GOSR1: variants seen among roughly 807,000 people sequenced by gnomAD.
GOSR1 encodes golgi SNAP receptor complex member 1, also known as 28 kDa Golgi SNARE protein.
A neutral mutation model predicts 35.5 loss-of-function variants in GOSR1; 21 were observed. The ratio of observed to expected loss-of-function variants is 0.59; its 90% CI spans 0.42 to 0.85. The LOEUF (loss-of-function observed/expected upper bound fraction) is 0.85, where lower values mean the gene tolerates loss of function less well. GOSR1 is among the 40% of genes least tolerant of loss of function. The pLI is 0.00. For missense variants in GOSR1, 285 were observed against 309.6 expected (o/e 0.92, Z 0.60); for synonymous variants, 94 against 106.6 (o/e 0.88, Z 0.73).
chr17:30,519,367 C>T (rs1006433519), intron 7 of GOSR1, among the ~76,000 whole-genome samples: 1 of 152,178 alleles, frequency 6.6e-6, no homozygotes, highest in Non-Finnish European at 1.5e-5. Context: ...GTTTTAGCCA[C>T]GTTTAATGAG....
At chr17:30,489,199 C>T (rs1441847189) in intron 4 of GOSR1, among the ~76,000 whole-genome samples, 1 of 152,054 alleles carries the variant, frequency 6.6e-6, no homozygotes, top group African/African-American at 2.4e-5. Flanking sequence ...GCCTGGCCAA[C>T]ATGGTGAAAC....
intron 6 of GOSR1, among the ~76,000 whole-genome samples, chr17:30,496,946 G>T (rs1967028066): frequency 6.6e-6 from 1 of 152,318 alleles, no homozygotes; most frequent in East Asian, 1.9e-4. Context: ...ATTGCAGATT[G>T]TGCACATTAA....
intron 1 of GOSR1, chr17:30,480,886 A>G (rs148748216): frequency 1.0e-4 from 27 of 267,410 alleles, no homozygotes; most frequent in East Asian, 1.6e-4. Flanking sequence ...CTAATTTTCT[A>G]TTTTTAGTAG....
chr17:30,479,500 A>C, intron 1 of GOSR1: 1 of 152,180 alleles, frequency 6.6e-6, no homozygotes, highest in East Asian at 1.9e-4. Context: ...ACTTTCAGTA[A>C]GTTTTTTTCT....
At chr17:30,518,271 C>G (rs980055570) in intron 7 of GOSR1, among the ~76,000 whole-genome samples, 2 of 152,056 alleles carry the variant, frequency 1.3e-5, no homozygotes, top group African/African-American at 4.8e-5. Context: ...AGCCCTCTAC[C>G]TGGCTTTCTT....
At chr17:30,513,678 T>C (rs1967696132) in intron 7 of GOSR1, among the ~76,000 whole-genome samples, 1 of 152,172 alleles carries the variant, frequency 6.6e-6, no homozygotes, top group Non-Finnish European at 1.5e-5. Context: ...AGGCCCAGCA[T>C]GGTGGCTCAC....
intron 6 of GOSR1, among the ~76,000 whole-genome samples, chr17:30,498,941 A>C (rs1967100029): frequency 6.6e-6 from 1 of 152,158 alleles, no homozygotes; most frequent in African/African-American, 2.4e-5. Context: ...GACTCTTTTA[A>C]CCGCCACCAC....
chr17:30,496,814 C>T (rs2143740719), intron 6 of GOSR1, among the ~76,000 whole-genome samples: 1 of 152,294 alleles, frequency 6.6e-6, no homozygotes, highest in South Asian at 2.1e-4. Context: ...GGCATGAATT[C>T]TGAAATTGTA....
chr17:30,486,158 A>G (rs1447866765), intron 4 of GOSR1, among the ~76,000 whole-genome samples: 2 of 152,200 alleles, frequency 1.3e-5, no homozygotes, highest in African/African-American at 2.4e-5. Flanking sequence ...AAGGATACCC[A>G]TGATCGCTAC....
intron 1 of GOSR1, chr17:30,477,692 C>T (rs1393255682): frequency 1.0e-5 from 10 of 984,982 alleles, no homozygotes; most frequent in Non-Finnish European, 1.2e-5. Context: ...AGGGGTTGGG[C>T]AGAGTGGACA....
Position 30,525,632 on chromosome 17 carries a change from A to C in GOSR1, c.*3254A>C, listed in dbSNP as rs1328351334. ...TAAATAAAGTTATTTATTTAATTAT[A>C]CTACCAGTCTTTTTTACTGGTCTGA... On this transcript the variant is annotated 3_prime_UTR_variant, in exon 9 of 9. Coordinates refer to ENST00000451249, the MANE Select transcript of GOSR1 (RefSeq NM_001007025.2). The C allele has an allele frequency of 6.6e-6, 1 of 152,192 alleles. No homozygotes were observed. Among genetic ancestry groups the C allele is most frequent in the Admixed American group, 6.6e-5 (1 of 15,266 alleles). The allele number at this position is 152,192 out of a possible 1,614,324, so 9.4% of individuals were successfully genotyped here. A position where few individuals can be genotyped will look rare whatever the true frequency, so the allele number is the denominator to read the frequency against.
intron 6 of GOSR1, among the ~76,000 whole-genome samples, chr17:30,499,374 T>C (rs1177600722): frequency 6.9e-6 from 1 of 144,022 alleles, no homozygotes; most frequent in Non-Finnish European, 1.5e-5. Flanking sequence ...CGGAGTCTCA[T>C]TCTGTTACCC....
At chr17:30,492,492 C>A (rs1340422946) in intron 5 of GOSR1, among the ~76,000 whole-genome samples, 187 bp from the exon 6 acceptor site, 1 of 152,162 alleles carries the variant, frequency 6.6e-6, no homozygotes, top group East Asian at 1.9e-4. Flanking sequence ...GATGCAGAGG[C>A]ATTAATATTT....
At chr17:30,477,502 G>T (rs767634590) in intron 1 of GOSR1, 38 bp downstream of exon 1, 10 of 1,601,324 alleles carry the variant, frequency 6.2e-6, no homozygotes, top group Admixed American at 5.1e-5. Context: ...TCCTACGAGG[G>T]TGAGAGGGGC....
intron 4 of GOSR1, among the ~76,000 whole-genome samples, chr17:30,486,519 CAAAAAAA>C (rs534373224): frequency 1.0e-5 from 1 of 97,788 alleles, no homozygotes; most frequent in African/African-American, 3.9e-5. Context: ...GTGACTGTTT[CAAAAAAA>C]AAAAAAAAGA....
intron 1 of GOSR1, chr17:30,477,840 G>A: frequency 1.0e-6 from 1 of 985,288 alleles, no homozygotes; most frequent in Non-Finnish European, 1.2e-6. Context: ...CCAGAGCCCC[G>A]GAGACTGGAG....
At chr17:30,491,765 TA>T (rs1915059030) in intron 5 of GOSR1, among the ~76,000 whole-genome samples, 2 of 152,194 alleles carry the variant, frequency 1.3e-5, no homozygotes, top group African/African-American at 4.8e-5. Context: ...TAATGTATTA[TA>T]TTTTTTTGGC....
intron 6 of GOSR1, chr17:30,495,643 G>C: frequency 3.2e-6 from 1 of 308,546 alleles, no homozygotes; most frequent in Non-Finnish European, 6.5e-6. Context: ...CTCCTTCCAA[G>C]CCTCTGCAGT....
chr17:30,499,640 C>T (rs1597782234), intron 6 of GOSR1, among the ~76,000 whole-genome samples: 1 of 152,170 alleles, frequency 6.6e-6, no homozygotes, highest in African/African-American at 2.4e-5. Flanking sequence ...TGTACCCTGC[C>T]GTTCTCATTT....
Sources: gnomAD v4.1 joint callset for allele counts (sites outside exome capture counted in the v4.1 genomes callset) on GRCh38, gnomAD v4.1.1 for gene constraint, MANE v1.5 for transcripts, NCBI Gene and HGNC (gene_info 2026-07-23, HGNC 2026-07-21) for gene names.